The following EXOSC9 variants were observed in gnomAD, a reference collection of about 807,000 sequenced individuals.
EXOSC9 encodes the protein exosome complex component RRP45.
EXOSC9 carries 38 observed loss-of-function variants against 56.5 expected under a neutral mutation model. The ratio of observed to expected loss-of-function variants is 0.67; its 90% CI spans 0.52 to 0.88. The LOEUF (loss-of-function observed/expected upper bound fraction) is 0.88. Among genes scored for constraint, EXOSC9 ranks in the 40% least tolerant of loss-of-function variants. The pLI is 0.00. For synonymous variants in EXOSC9, 170 were observed against 170.8 expected, an observed-to-expected ratio of 0.99 and a Z score of 0.04; for missense variants, 559 against 530.5, an observed-to-expected ratio of 1.05 and a Z score of -0.53.
chr4:121,814,108 T>G, intron 10 of EXOSC9, 61 bp downstream of exon 10: 1 of 1,015,492 alleles, frequency 9.8e-7, no homozygotes, highest in Non-Finnish European at 1.5e-6. Flanking sequence ...TACCGTATAG[T>G]TATATATATA....
At position 121,809,995 on chromosome 4, in the gene EXOSC9, C is replaced by T. The variant is rs778875319; in HGVS notation, c.634C>T (p.Arg212Ter). The change falls in exon 7 of 12, where the codon CGA (arginine) becomes TGA (stop). Residue 212 changes from arginine to a stop codon, truncating the protein, a stop_gained. Coordinates refer to ENST00000243498, the MANE Select transcript of EXOSC9 (RefSeq NM_005033.3). LOFTEE classifies it high-confidence loss of function. ...GTYLLVDPNE[R>*]EERVMDGLLV... The stretch of plus-strand genomic sequence containing the variant: ...ATATTTATTGGTGGATCCCAATGAA[C>T]GAGAAGAACGTGTGATGGATGGCTT... 5.6e-6 allele frequency: 9 copies of T among 1,613,790 alleles called. No individual in the cohort carries two copies. The Admixed American group carries it at 1.0e-4, about 18-fold the overall frequency.
At chr4:121,812,797 G>C (rs1282294520) in intron 8 of EXOSC9, among the ~76,000 whole-genome samples, 1 of 152,138 alleles carries the variant, frequency 6.6e-6, no homozygotes, top group Non-Finnish European at 1.5e-5. Context: ...GGAGACATAA[G>C]ATTTTTCTTT....
intron 1 of EXOSC9, 167 bp from the exon 2 acceptor site, chr4:121,801,660 C>T (rs1217443515): frequency 1.0e-5 from 8 of 779,322 alleles, no homozygotes; most frequent in East Asian, 2.7e-5. Flanking sequence ...TTTCAAGGCT[C>T]CAGTCACCGC....
chr4:121,809,785 A>G (rs936095964), intron 6 of EXOSC9, 182 bp from the exon 7 acceptor site: 4 of 617,078 alleles, frequency 6.5e-6, no homozygotes, highest in Non-Finnish European at 1.1e-5. Context: ...CTTAGCATTC[A>G]TTTGTGTTCA....
intron 10 of EXOSC9, chr4:121,815,640 G>GA (rs1724468960): frequency 1.0e-6 from 1 of 985,136 alleles, no homozygotes; most frequent in African/African-American, 1.7e-5. Flanking sequence ...AAAATCCAAA[G>GA]AAAAATGACA....
At chr4:121,805,161 C>T (rs993281484) in intron 5 of EXOSC9, among the ~76,000 whole-genome samples, 8 of 152,190 alleles carry the variant, frequency 5.3e-5, no homozygotes, top group Admixed American at 5.2e-4. Flanking sequence ...TATTTGTCTC[C>T]AGGACTTTTG....
chr4:121,804,842 G>T, intron 5 of EXOSC9, 83 bp downstream of exon 5: 1 of 1,237,494 alleles, frequency 8.1e-7, no homozygotes, highest in Non-Finnish European at 1.1e-6. Flanking sequence ...TTTTAGTGAA[G>T]TTATGTTGTA....
At chr4:121,815,653 G>A in intron 10 of EXOSC9, 4 of 985,368 alleles carry the variant, frequency 4.1e-6, no homozygotes, top group South Asian at 4.7e-5. Context: ...AAATGACATG[G>A]CATTTTTTGT....
At chr4:121,812,497 T>G (rs1727240343) in intron 8 of EXOSC9, among the ~76,000 whole-genome samples, 1 of 152,198 alleles carries the variant, frequency 6.6e-6, no homozygotes, top group Non-Finnish European at 1.5e-5. Flanking sequence ...TTTTGTTTGT[T>G]TTTTGAGATG....
chr4:121,811,381 T>C (rs1727208823), intron 7 of EXOSC9, among the ~76,000 whole-genome samples: 1 of 152,260 alleles, frequency 6.6e-6, no homozygotes, highest in South Asian at 2.1e-4. Flanking sequence ...AAAGTTTTTA[T>C]GTCTGTTCCC....
chr4:121,815,157 T>G (rs527329192), intron 10 of EXOSC9: 1 of 158,948 alleles, frequency 6.3e-6, no homozygotes, highest in African/African-American at 2.4e-5. Context: ...TTTGGTATTA[T>G]TCTTCCAGAA....
intron 10 of EXOSC9, 175 bp downstream of exon 10, chr4:121,814,222 TATAG>T: frequency 2.4e-6 from 1 of 418,874 alleles, no homozygotes; most frequent in South Asian, 5.9e-5. Flanking sequence ...CAGGATACTA[TATAG>T]AGAGAATATA....
At chr4:121,808,502 G>C (rs1727111183) in intron 6 of EXOSC9, among the ~76,000 whole-genome samples, 1 of 152,048 alleles carries the variant, frequency 6.6e-6, no homozygotes, top group South Asian at 2.1e-4. Flanking sequence ...TGAGACTACA[G>C]GCATGCACCA....
chr4:121,804,088 ACTC>A (rs1726947954), intron 4 of EXOSC9, among the ~76,000 whole-genome samples: 1 of 151,624 alleles, frequency 6.6e-6, no homozygotes, highest in African/African-American at 2.4e-5. Context: ...GTAATCTTAA[ACTC>A]CTGGGCTCAA....
chr4:121,809,895 A>C (rs1291534788), intron 6 of EXOSC9, 72 bp from the exon 7 acceptor site: 7 of 1,576,752 alleles, frequency 4.4e-6, no homozygotes, highest in Non-Finnish European at 6.1e-6. Context: ...CCATCTTTTA[A>C]AAATTCATTA....
intron 10 of EXOSC9, chr4:121,814,780 A>G (rs1724425394): frequency 6.6e-6 from 1 of 152,242 alleles, no homozygotes; most frequent in African/African-American, 2.4e-5. Context: ...ATAAGTAACT[A>G]GAATACTGGT....
In EXOSC9 at chr4:121,805,940, G is replaced by A. The variant is rs575343832; in HGVS notation, c.522+1181G>A. Among the ~76,000 whole-genome samples the A allele has an allele frequency of 4.6e-5, 7 of 151,602 alleles. No homozygotes were observed. In the South Asian group the frequency reaches 1.5e-3, roughly 32 times the overall value. ...CCCACCTCAGTCTCCTGAGTAGTGG[G>A]GACTACAGGTATGTGCCACCCACTT... On this transcript the variant is annotated intron_variant, in intron 5 of 11. Coordinates refer to ENST00000243498, the MANE Select transcript of EXOSC9 (RefSeq NM_005033.3).
chr4:121,813,337 AAAGCAGAAGAAATCATTGCTG>A lies in EXOSC9; in HGVS notation c.940_960del (p.Glu314_Glu320del). On this transcript the variant is annotated inframe_deletion, in exon 9 of 12. Transcript: ENST00000243498. ...TATTGATACCTCGGATGTAGAAGAA[AAAGCAGAAGAAATCATTGCTG>A]AAGCAGAACCTCCTTCAGAAGTGTA... is the stretch of plus-strand genomic sequence containing the variant. 6.2e-7 allele frequency: 1 copy of A among 1,613,768 alleles called. No homozygotes were observed. The highest frequency in any genetic ancestry group is 8.5e-7 in the Non-Finnish European group (1 of 1,179,826).
chr4:121,811,850 T>C (rs1727222159), intron 8 of EXOSC9, among the ~76,000 whole-genome samples, 179 bp downstream of exon 8: 1 of 152,236 alleles, frequency 6.6e-6, no homozygotes, highest in Non-Finnish European at 1.5e-5. Flanking sequence ...ATAGTTATGT[T>C]ACCCAAAACT....
Sources: allele counts gnomAD v4.1 joint callset (sites outside exome capture counted in the v4.1 genomes callset), GRCh38; gene constraint gnomAD v4.1.1; transcripts MANE v1.5; gene names NCBI Gene and HGNC (gene_info 2026-07-23, HGNC 2026-07-21).